ANK3: variants seen among roughly 807,000 people sequenced by gnomAD.
ANK3 encodes ankyrin-3.
ANK3 carries 57 observed loss-of-function variants against 370.9 expected under a neutral mutation model. The observed-to-expected ratio is 0.15, with a 90% CI of 0.12 to 0.19. The LOEUF is 0.19. Among genes scored for constraint, ANK3 ranks in the 10% least tolerant of loss-of-function variants. ANK3 has a pLI of 1.00. For missense variants in ANK3, 4,439 were observed against 5,302.1 expected, an observed-to-expected ratio of 0.84 and a Z score of 5.06; for synonymous variants, 1,929 against 1,946.3, an observed-to-expected ratio of 0.99 and a Z score of 0.23.
intron 2 of ANK3, among the ~76,000 whole-genome samples, chr10:60,506,745 C>T (rs1567102168): frequency 6.6e-6 from 1 of 152,114 alleles, no homozygotes; most frequent in Admixed American, 6.5e-5. Context: ...AGAAAATTTA[C>T]AAGATTCAAG....
chr10:60,413,724 G>C (rs2063605233), intron 2 of ANK3, among the ~76,000 whole-genome samples: 1 of 152,188 alleles, frequency 6.6e-6, no homozygotes, highest in Non-Finnish European at 1.5e-5. Flanking sequence ...GTGGGCTGTA[G>C]TGACTCATGC....
chr10:60,192,629 C>T (rs1329891391), intron 16 of ANK3, among the ~76,000 whole-genome samples: 5 of 151,930 alleles, frequency 3.3e-5, no homozygotes, highest in Non-Finnish European at 4.4e-5. Flanking sequence ...TGCCTGAAAG[C>T]GAGAGCTAAA....
At position 60,591,330 on chromosome 10, in the gene ANK3, T is replaced by G. The variant is rs569944328; in HGVS notation, c.96+23856A>C. ...TTATTTATTTATTTATTTATTTATT[T>G]ATTTATTTATTTATTTATTTTTGTG... On this transcript the variant is annotated intron_variant, in intron 2 of 43. Transcript: ENST00000373827. Among the ~76,000 whole-genome samples, 254 of 150,180 alleles carry G rather than the reference T, an allele frequency of 1.7e-3. 2 individuals carry two copies. Among genetic ancestry groups the G allele is most frequent in the Middle Eastern group, 0.014 (4 of 286 alleles).
At chr10:60,293,339 C>G (rs114849206) in intron 1 of ANK3, among the ~76,000 whole-genome samples, 221 of 152,236 alleles carry the variant, frequency 1.5e-3, no homozygotes, top group African/African-American at 5.0e-3. Context: ...GTTCATAGCG[C>G]TGAACTAGTA....
intron 25 of ANK3, among the ~76,000 whole-genome samples, chr10:60,124,276 C>T (rs963732830): frequency 6.6e-6 from 1 of 152,196 alleles, no homozygotes; most frequent in Non-Finnish European, 1.5e-5. Context: ...ATTCTCCTGC[C>T]TCAGCCTCCC....
chr10:60,176,622 G>A (rs755350255), intron 18 of ANK3, among the ~76,000 whole-genome samples: 9 of 152,082 alleles, frequency 5.9e-5, no homozygotes, highest in Non-Finnish European at 1.2e-4. Flanking sequence ...AATTAGCCAG[G>A]CGTGGCGGTG....
At chr10:60,172,759 G>A (rs2095827410) in intron 20 of ANK3, 141 bp downstream of exon 20, 1 of 629,058 alleles carries the variant, frequency 1.6e-6, no homozygotes, top group African/African-American at 1.8e-5. Flanking sequence ...GAACAATATG[G>A]TTATTGTCCT....
intron 12 of ANK3, 148 bp from the exon 13 acceptor site, chr10:60,200,375 T>C (rs1038591009): frequency 1.6e-5 from 11 of 704,530 alleles, no homozygotes; most frequent in African/African-American, 1.2e-4. Flanking sequence ...ATCAAATGCA[T>C]GAGAATTTCA....
At chr10:60,462,346 A>T (rs2064906142) in intron 2 of ANK3, among the ~76,000 whole-genome samples, 1 of 152,146 alleles carries the variant, frequency 6.6e-6, no homozygotes, top group Non-Finnish European at 1.5e-5. Context: ...AGACATTCCC[A>T]AATAGTAACC....
intron 1 of ANK3, among the ~76,000 whole-genome samples, chr10:60,358,984 C>A (rs1455596837): frequency 6.6e-6 from 1 of 152,122 alleles, no homozygotes; most frequent in Non-Finnish European, 1.5e-5. Context: ...GCCGAGTGTA[C>A]CTTCTTCACA....
At chr10:60,410,014 C>T (rs1023218471) in intron 2 of ANK3, among the ~76,000 whole-genome samples, 3 of 152,066 alleles carry the variant, frequency 2.0e-5, no homozygotes, top group African/African-American at 4.8e-5. Context: ...CTCCACTTCC[C>T]CTCTCCACCT....
At chr10:60,270,274 C>A in intron 4 of ANK3, 45 bp from the exon 5 acceptor site, 1 of 1,404,814 alleles carries the variant, frequency 7.1e-7, no homozygotes, top group Non-Finnish European at 9.8e-7. Flanking sequence ...TTTCCAGAGA[C>A]AATCTATTTT....
chr10:60,310,489 T>C (rs1172726189), intron 1 of ANK3, among the ~76,000 whole-genome samples: 1 of 152,208 alleles, frequency 6.6e-6, no homozygotes, highest in Non-Finnish European at 1.5e-5. Context: ...AATTGTTCTT[T>C]GGACAAAATT....
At chr10:60,733,440 A>C in exon 1 of ANK3, 1 of 908,772 alleles carries the variant, frequency 1.1e-6, no homozygotes, top group Non-Finnish European at 1.4e-6. Context: ...CAGGAACACC[A>C]AGCGCGGCCC....
intron 1 of ANK3, among the ~76,000 whole-genome samples, chr10:60,618,535 G>A (rs1347854952): frequency 6.6e-6 from 1 of 152,146 alleles, no homozygotes; most frequent in Non-Finnish European, 1.5e-5. Context: ...AAACACTGAA[G>A]CAGAAAAGAG....
intron 1 of ANK3, among the ~76,000 whole-genome samples, chr10:60,284,827 C>T (rs1367353335): frequency 6.6e-6 from 1 of 151,976 alleles, no homozygotes; most frequent in Non-Finnish European, 1.5e-5. Flanking sequence ...GAGCCTCTTT[C>T]TACTTGATGT....
chr10:60,152,881 C>T (rs932317940), intron 23 of ANK3, among the ~76,000 whole-genome samples: 1 of 152,084 alleles, frequency 6.6e-6, no homozygotes, highest in African/African-American at 2.4e-5. Context: ...CCTTAAAAAT[C>T]TCAGTATCTA....
chr10:60,702,086 C>T (rs766081148), intron 1 of ANK3, among the ~76,000 whole-genome samples: 1 of 151,988 alleles, frequency 6.6e-6, no homozygotes, highest in Non-Finnish European at 1.5e-5. Flanking sequence ...TAGTGAGTCT[C>T]CATCTCTACA....
intron 14 of ANK3, among the ~76,000 whole-genome samples, chr10:60,197,772 C>T (rs543780492): frequency 2.2e-4 from 33 of 152,182 alleles, no homozygotes; most frequent in African/African-American, 7.9e-4. Context: ...TATGTAGTAT[C>T]ACAAAAAAAA....
Sources: gnomAD v4.1 joint callset for allele counts (sites outside exome capture counted in the v4.1 genomes callset) on GRCh38, gnomAD v4.1.1 for gene constraint, MANE v1.5 for transcripts, NCBI Gene and HGNC (gene_info 2026-07-23, HGNC 2026-07-21) for gene names.